The following KCNMA1 variants were observed in gnomAD, a reference collection of about 807,000 sequenced individuals.
KCNMA1 encodes Calcium-activated potassium channel subunit alpha-1.
Under a neutral mutation model 140.0 loss-of-function variants are expected in KCNMA1, and 29 were observed. The observed-to-expected ratio is 0.21, with a 90% CI of 0.15 to 0.28. The LOEUF (loss-of-function observed/expected upper bound fraction) is 0.28. KCNMA1 is among the 10% of genes least tolerant of loss of function. The probability of loss-of-function intolerance (pLI) is 1.00; values close to 1 mark genes in which losing one functional copy is unlikely to be tolerated. For missense variants in KCNMA1, 880 were observed against 1,602.2 expected, an observed-to-expected ratio of 0.55 and a Z score of 7.70; for synonymous variants, 612 against 611.9, an observed-to-expected ratio of 1.00 and a Z score of 0.00.
rs866826669 is a variant in KCNMA1, at chr10:77,615,035, T to C, written c.378+22230A>G. Among the ~76,000 whole-genome samples the C allele has an allele frequency of 4.6e-5, 7 of 152,290 alleles. No homozygotes were observed. In the Middle Eastern group the frequency reaches 0.014, roughly 296 times the overall value. On this transcript the variant is annotated intron_variant, in intron 1 of 27. Coordinates refer to ENST00000286628, the MANE Select transcript of KCNMA1 (RefSeq NM_001161352.2). ...GATGTTTTGGGTGCCTCAGAACACATAATCCCTGATAGAGAAAAGAGTCTG... is the reference window on the plus strand; with the variant it reads ...GATGTTTTGGGTGCCTCAGAACACACAATCCCTGATAGAGAAAAGAGTCTG...
chr10:77,125,841 G>A (rs181752470), intron 5 of KCNMA1, among the ~76,000 whole-genome samples: 3 of 152,328 alleles, frequency 2.0e-5, no homozygotes, highest in Admixed American at 1.3e-4. Flanking sequence ...GGAGTTAAAG[G>A]TTAGATAATC....
chr10:77,576,570 C>T (rs1364605474), intron 1 of KCNMA1, among the ~76,000 whole-genome samples: 1 of 152,200 alleles, frequency 6.6e-6, no homozygotes, highest in East Asian at 1.9e-4. Flanking sequence ...CCACCACATG[C>T]TGCATATGGT....
At chr10:77,101,108 G>A (rs1285735042) in intron 9 of KCNMA1, among the ~76,000 whole-genome samples, 2 of 151,988 alleles carry the variant, frequency 1.3e-5, no homozygotes, top group Non-Finnish European at 2.9e-5. Flanking sequence ...AGTTTGAAAG[G>A]GACTGAAGAT....
At chr10:76,876,277 A>G (rs1186242926), downstream of KCNMA1, 1 of 152,674 alleles carries the variant, frequency 6.5e-6, no homozygotes, top group Non-Finnish European at 1.5e-5. Context: ...AAGTGTCCAC[A>G]GTTTACATTT....
At chr10:76,891,849 T>C (rs966186598) in intron 25 of KCNMA1, 130 bp from the exon 26 acceptor site, 65 of 757,996 alleles carry the variant, frequency 8.6e-5, no homozygotes, top group Non-Finnish European at 1.4e-4. Flanking sequence ...TTCAAATAAT[T>C]TCATGTGGGG....
chr10:77,225,458 G>A (rs114960408), intron 3 of KCNMA1, among the ~76,000 whole-genome samples: 4,094 of 152,206 alleles, frequency 0.027, 176 homozygotes, highest in African/African-American at 0.094. Context: ...AAAAACAGAA[G>A]CTCTAAACAG....
At chr10:77,536,216 A>G (rs891700953) in intron 1 of KCNMA1, among the ~76,000 whole-genome samples, 4 of 152,242 alleles carry the variant, frequency 2.6e-5, no homozygotes, top group Non-Finnish European at 5.9e-5. Context: ...ATGCACTGGC[A>G]TGTGTATTTT....
chr10:77,522,175 C>T (rs1408700897), intron 1 of KCNMA1, among the ~76,000 whole-genome samples: 1 of 86,722 alleles, frequency 1.2e-5, no homozygotes, highest in African/African-American at 7.7e-5. Flanking sequence ...AAGACTCCAT[C>T]TCAAAATAAA....
intron 2 of KCNMA1, among the ~76,000 whole-genome samples, chr10:77,261,244 AG>A (rs1191607867): frequency 6.6e-6 from 1 of 152,202 alleles, no homozygotes; most frequent in Non-Finnish European, 1.5e-5. Context: ...ATCAGTATAT[AG>A]ACAAAGTTAA....
chr10:76,930,203 G>A (rs546569499), intron 23 of KCNMA1: 11 of 152,246 alleles, frequency 7.2e-5, no homozygotes, highest in African/African-American at 2.4e-4. Context: ...TACTGAACGG[G>A]AGAAAATATT....
At position 77,110,260 on chromosome 10, in the gene KCNMA1, G is replaced by T. The variant is rs779144466; in HGVS notation, c.1044C>A (p.Val348=). The stretch of plus-strand genomic sequence containing the variant: ...CCCCATAACCAACGGTGGACATTGT[G>T]ACCATGAGTAAATAGACACATTCCC... The part of the protein sequence containing the change: ...TYWECVYLLM[V]TMSTVGYGDV... The change falls in exon 8 of 28, where the codon GTC becomes GTA. Residue 348 remains valine, a synonymous_variant. Coordinates refer to ENST00000286628, the MANE Select transcript of KCNMA1 (RefSeq NM_001161352.2). 2 of 1,613,850 alleles carry T rather than the reference G, an allele frequency of 1.2e-6. No individual in the cohort carries two copies. The highest frequency in any genetic ancestry group is 3.3e-5 in the Admixed American group (2 of 60,018).
At chr10:77,357,021 G>T (rs533524659) in intron 2 of KCNMA1, among the ~76,000 whole-genome samples, 1 of 152,292 alleles carries the variant, frequency 6.6e-6, no homozygotes, top group East Asian at 1.9e-4. Flanking sequence ...TTCTGTTACG[G>T]AAATCCACAT....
intron 19 of KCNMA1, among the ~76,000 whole-genome samples, chr10:77,000,900 A>ATATATC (rs1412998914): frequency 2.3e-5 from 3 of 128,790 alleles, no homozygotes; most frequent in African/African-American, 8.7e-5. Flanking sequence ...ATATATATAT[A>ATATATC]TCCATCTGCA....
chr10:77,248,839 C>A (rs1259167348), intron 3 of KCNMA1, among the ~76,000 whole-genome samples: 1 of 152,110 alleles, frequency 6.6e-6, no homozygotes, highest in Non-Finnish European at 1.5e-5. Flanking sequence ...CTAATTCTCT[C>A]CCAAACTAAA....
intron 19 of KCNMA1, among the ~76,000 whole-genome samples, chr10:76,973,461 C>T (rs1328834661): frequency 2.0e-5 from 3 of 152,186 alleles, no homozygotes. Context: ...TCTAATGAGG[C>T]TTCAGATCCC....
At chr10:76,923,354 G>A (rs796114657) in intron 23 of KCNMA1, among the ~76,000 whole-genome samples, 3 of 151,882 alleles carry the variant, frequency 2.0e-5, no homozygotes, top group South Asian at 2.1e-4. Flanking sequence ...GCCTGAACCC[G>A]GGAGGCAGAG....
At position 76,885,755 on chromosome 10, in the gene KCNMA1, T is replaced by A. The variant is rs2036602350; in HGVS notation, c.*1511A>T. 2 of 985,210 alleles carry A rather than the reference T, an allele frequency of 2.0e-6. No individual in the cohort carries two copies. The highest frequency in any genetic ancestry group is 1.1e-4 in the East Asian group (1 of 8,824). 61.0% of individuals were successfully genotyped at this position (985,210 alleles called of 1,614,324 possible). On this transcript the variant is annotated 3_prime_UTR_variant, in exon 28 of 28. Transcript: ENST00000286628. The stretch of plus-strand genomic sequence containing the variant: ...AAATACCGCACTGCCTAAAGCATGA[T>A]TTGCATGCACAAAGCATCTGACAAC...
At chr10:77,509,895 G>A (rs1319848297) in intron 1 of KCNMA1, among the ~76,000 whole-genome samples, 3 of 152,032 alleles carry the variant, frequency 2.0e-5, no homozygotes, top group Non-Finnish European at 2.9e-5. Flanking sequence ...GCTAAATTCT[G>A]GGGATCATTA....
chr10:76,901,568 A>G (rs1167209037), intron 25 of KCNMA1: 1 of 152,220 alleles, frequency 6.6e-6, no homozygotes, highest in Non-Finnish European at 1.5e-5. Context: ...TCAGTCACTG[A>G]CATTTATTGA....
Sources: allele counts gnomAD v4.1 joint callset (sites outside exome capture counted in the v4.1 genomes callset), GRCh38; gene constraint gnomAD v4.1.1; transcripts MANE v1.5; gene names NCBI Gene and HGNC (gene_info 2026-07-23, HGNC 2026-07-21).